Variants in AGBL4 observed in about 807,000 individuals in gnomAD.
AGBL4 encodes cytosolic carboxypeptidase 6.
AGBL4 carries 58 observed loss-of-function variants against 66.4 expected under a neutral mutation model. The ratio of observed to expected loss-of-function variants is 0.87; its 90% CI spans 0.71 to 1.09. The LOEUF is 1.09. Among genes scored for constraint, AGBL4 ranks in the 50% least tolerant of loss-of-function variants. AGBL4 has a pLI of 0.00. For synonymous variants in AGBL4, 234 were observed against 222.9 expected (o/e 1.05, Z -0.44); for missense variants, 579 against 631.0 (o/e 0.92, Z 0.88).
chr1:48,945,927 T>C (rs775447741), intron 5 of AGBL4, among the ~76,000 whole-genome samples: 3 of 152,186 alleles, frequency 2.0e-5, no homozygotes, highest in Non-Finnish European at 4.4e-5. Flanking sequence ...TTAATATATA[T>C]AAAGTTCTTA....
intron 8 of AGBL4, among the ~76,000 whole-genome samples, chr1:48,649,705 T>A (rs1645896735): frequency 6.6e-6 from 1 of 152,168 alleles, no homozygotes; most frequent in Admixed American, 6.5e-5. Context: ...AAATCTAAAC[T>A]TAGCTGATGA....
chr1:48,599,469 T>C (rs1381189472), intron 9 of AGBL4, among the ~76,000 whole-genome samples: 1 of 152,204 alleles, frequency 6.6e-6, no homozygotes, highest in African/African-American at 2.4e-5. Flanking sequence ...ACAGGAATTT[T>C]TCAAGTTCAT....
At chr1:49,690,774 T>C (rs1646872078) in intron 3 of AGBL4, among the ~76,000 whole-genome samples, 1 of 152,214 alleles carries the variant, frequency 6.6e-6, no homozygotes, top group Non-Finnish European at 1.5e-5. Context: ...TATTAATAGA[T>C]AACATTTGCT....
chr1:48,907,643 T>C (rs930517586), intron 5 of AGBL4, among the ~76,000 whole-genome samples: 1 of 152,188 alleles, frequency 6.6e-6, no homozygotes, highest in African/African-American at 2.4e-5. Context: ...CTGCAATCTT[T>C]TGGGGTCCCT....
chr1:49,508,854 T>C (rs1301812583), intron 3 of AGBL4, among the ~76,000 whole-genome samples: 1 of 151,902 alleles, frequency 6.6e-6, no homozygotes, highest in Non-Finnish European at 1.5e-5. Context: ...TAGCATTGAT[T>C]ACAGGCAATC....
intron 4 of AGBL4, among the ~76,000 whole-genome samples, chr1:49,160,572 A>G (rs1265378188): frequency 6.6e-6 from 1 of 152,078 alleles, no homozygotes; most frequent in Non-Finnish European, 1.5e-5. Context: ...GCAGAGTTCG[A>G]ACACTGTGCT....
At chr1:49,420,700 C>CAAAAAAAA (rs34864072) in intron 3 of AGBL4, among the ~76,000 whole-genome samples, 1 of 124,616 alleles carries the variant, frequency 8.0e-6, no homozygotes, top group Non-Finnish European at 1.7e-5. Context: ...GACTCCGTCT[C>CAAAAAAAA]AAAAAAAAAA....
intron 6 of AGBL4, among the ~76,000 whole-genome samples, chr1:48,674,289 A>G (rs1646327300): frequency 6.6e-6 from 1 of 152,184 alleles, no homozygotes. Context: ...AAATACAGCT[A>G]TCGGTTATTG....
chr1:49,069,787 A>G (rs570539593), intron 4 of AGBL4, among the ~76,000 whole-genome samples: 1 of 152,080 alleles, frequency 6.6e-6, no homozygotes, highest in African/African-American at 2.4e-5. Context: ...TGGTAGCCTG[A>G]TGGTGATAGC....
At chr1:49,881,441 C>T (rs564735947) in intron 1 of AGBL4, among the ~76,000 whole-genome samples, 1 of 151,768 alleles carries the variant, frequency 6.6e-6, no homozygotes, top group Non-Finnish European at 1.5e-5. Context: ...TTCTAGTTCT[C>T]GATCCCTGAG....
chr1:49,517,158 A>T (rs1480697269), intron 3 of AGBL4, among the ~76,000 whole-genome samples: 1 of 151,760 alleles, frequency 6.6e-6, no homozygotes, highest in East Asian at 1.9e-4. Context: ...CTTTGCATGA[A>T]GGGCAATTTG....
chr1:48,554,082 G>T (rs1644287309), intron 11 of AGBL4, among the ~76,000 whole-genome samples: 1 of 152,168 alleles, frequency 6.6e-6, no homozygotes, highest in Non-Finnish European at 1.5e-5. Context: ...GAGAATTGGG[G>T]TTCGGTCTTT....
At chr1:48,682,205 G>A (rs932123806) in intron 6 of AGBL4, among the ~76,000 whole-genome samples, 1 of 152,212 alleles carries the variant, frequency 6.6e-6, no homozygotes, top group African/African-American at 2.4e-5. Context: ...CTTCAGAACT[G>A]TGAGAAAAGA....
intron 9 of AGBL4, among the ~76,000 whole-genome samples, chr1:48,608,545 G>A (rs143544646): frequency 3.3e-5 from 5 of 151,528 alleles, no homozygotes; most frequent in African/African-American, 4.8e-5. Flanking sequence ...TCAGAGAAGT[G>A]GATGGATGGA....
At chr1:49,526,588 T>C (rs1650678390) in intron 3 of AGBL4, among the ~76,000 whole-genome samples, 1 of 152,028 alleles carries the variant, frequency 6.6e-6, no homozygotes, top group Non-Finnish European at 1.5e-5. Flanking sequence ...AAAAAGCCAG[T>C]CTCCAGTGGC....
At position 49,588,028 on chromosome 1, in the gene AGBL4, A is replaced by T. The variant is rs1184872617; in HGVS notation, c.282+109285T>A. 2.0e-5 allele frequency among the ~76,000 whole-genome samples: 3 copies of T among 151,918 alleles called. No homozygotes were observed. The East Asian group carries it at 5.8e-4, about 29-fold the overall frequency. Reference sequence around the variant, plus strand: ...CCCTCACCTAAAGTTCCTCACCCTTACTCTATGCATCTTGGTTCACCAGGC... The same window carrying T: ...CCCTCACCTAAAGTTCCTCACCCTTTCTCTATGCATCTTGGTTCACCAGGC... On this transcript the variant is annotated intron_variant, in intron 3 of 13. Coordinates refer to ENST00000371839, the MANE Select transcript of AGBL4 (RefSeq NM_032785.4).
At chr1:48,975,967 G>A (rs1659304396) in intron 5 of AGBL4, among the ~76,000 whole-genome samples, 1 of 152,080 alleles carries the variant, frequency 6.6e-6, no homozygotes, top group Non-Finnish European at 1.5e-5. Context: ...ACTTCAAGCA[G>A]AACATTTGGT....
intron 3 of AGBL4, among the ~76,000 whole-genome samples, chr1:49,617,058 T>C (rs1645262561): frequency 6.6e-6 from 1 of 152,136 alleles, no homozygotes; most frequent in Admixed American, 6.6e-5. Context: ...CTCTCCAATA[T>C]TTTTTCCATT....
intron 3 of AGBL4, among the ~76,000 whole-genome samples, chr1:49,395,606 A>G (rs1644942996): frequency 6.7e-6 from 1 of 148,292 alleles, no homozygotes; most frequent in African/African-American, 2.5e-5. Flanking sequence ...GTGTGTAGTG[A>G]ACTGCACATG....
Sources: gnomAD v4.1 joint callset for allele counts (sites outside exome capture counted in the v4.1 genomes callset) on GRCh38, gnomAD v4.1.1 for gene constraint, MANE v1.5 for transcripts, NCBI Gene and HGNC (gene_info 2026-07-23, HGNC 2026-07-21) for gene names.